The following METTL24 variants were observed in gnomAD, a reference collection of about 807,000 sequenced individuals.
METTL24 encodes the protein methyltransferase like 24.
A neutral mutation model predicts 32.7 loss-of-function variants in METTL24; 29 were observed. The observed-to-expected ratio is 0.89, with a 90% CI of 0.66 to 1.21. The LOEUF is 1.21. METTL24 is among the 50% of genes most tolerant of loss of function. The probability of loss-of-function intolerance (pLI) is 0.00; values close to 1 mark genes in which losing one functional copy is unlikely to be tolerated. For synonymous variants in METTL24, 163 were observed against 179.5 expected (o/e 0.91, Z 0.73); for missense variants, 439 against 468.1 (o/e 0.94, Z 0.57).
intron 1 of METTL24, among the ~76,000 whole-genome samples, chr6:110,352,772 T>C (rs1447905605): frequency 1.3e-5 from 2 of 152,124 alleles, no homozygotes; most frequent in South Asian, 2.1e-4. Flanking sequence ...GAACAAAGCA[T>C]GCCAAACTCC....
chr6:110,291,112 T>G, intron 4 of METTL24, among the ~76,000 whole-genome samples: 1 of 152,180 alleles, frequency 6.6e-6, no homozygotes, highest in South Asian at 2.1e-4. Context: ...AGTCCTTTTC[T>G]GATATATTTG....
chr6:110,350,572 T>C (rs1036916723), intron 1 of METTL24, among the ~76,000 whole-genome samples: 1 of 152,018 alleles, frequency 6.6e-6, no homozygotes, highest in Non-Finnish European at 1.5e-5. Context: ...TAAGTTTCGT[T>C]TGAGAACCCT....
At chr6:110,267,839 G>A (rs192462758) in intron 4 of METTL24, among the ~76,000 whole-genome samples, 40 of 152,302 alleles carry the variant, frequency 2.6e-4, no homozygotes, top group African/African-American at 8.4e-4. Context: ...AATGGGAACA[G>A]GCATGTCAAA....
rs1205885442 is a variant in METTL24 at position 110,311,456 on chromosome 6, TTTTC to T, written c.557+3882_557+3885del. Reference sequence around the variant, plus strand: ...ACAAAGTTGATTTTCTTTTCTTTTCTTTTCTTTCTTTGTTTTTTTTTTTTTTTTT... The same window carrying T: ...ACAAAGTTGATTTTCTTTTCTTTTCTTTTCTTTGTTTTTTTTTTTTTTTTT... On this transcript the variant is annotated intron_variant, in intron 3 of 4. Transcript: ENST00000338882. 1.9e-3 allele frequency among the ~76,000 whole-genome samples: 280 copies of T among 150,316 alleles called. 4 individuals carry two copies. Among genetic ancestry groups the T allele is most frequent in the Admixed American group, 0.017 (250 of 14,866 alleles).
intron 1 of METTL24, among the ~76,000 whole-genome samples, chr6:110,357,078 C>T (rs1187810448): frequency 6.6e-6 from 1 of 152,060 alleles, no homozygotes; most frequent in African/African-American, 2.4e-5. Context: ...AGCCGGGCAA[C>T]GGAAAGTAGT....
At chr6:110,252,275 G>T (rs1410359953) in intron 4 of METTL24, among the ~76,000 whole-genome samples, 1 of 152,210 alleles carries the variant, frequency 6.6e-6, no homozygotes, top group African/African-American at 2.4e-5. Flanking sequence ...ACCTTTGGAG[G>T]CTAGAAACCC....
intron 1 of METTL24, among the ~76,000 whole-genome samples, chr6:110,352,966 T>C (rs1772637364): frequency 6.6e-6 from 1 of 152,108 alleles, no homozygotes; most frequent in South Asian, 2.1e-4. Flanking sequence ...TGGGACAAAT[T>C]ACACACAAAA....
At chr6:110,344,159 T>C (rs899629194) in intron 1 of METTL24, among the ~76,000 whole-genome samples, 6 of 152,212 alleles carry the variant, frequency 3.9e-5, no homozygotes, top group Admixed American at 1.3e-4. Context: ...ATTTACCCCT[T>C]CAATGTTCAC....
At chr6:110,348,171 T>G (rs537542160) in intron 1 of METTL24, among the ~76,000 whole-genome samples, 1 of 152,364 alleles carries the variant, frequency 6.6e-6, no homozygotes, top group South Asian at 2.1e-4. Flanking sequence ...TGCTTTCACC[T>G]TCCTGCTCTC....
At chr6:110,289,490 T>A (rs1033013489) in intron 4 of METTL24, among the ~76,000 whole-genome samples, 3 of 152,036 alleles carry the variant, frequency 2.0e-5, no homozygotes, top group Non-Finnish European at 4.4e-5. Context: ...GTCTTTTTTT[T>A]TTGTAAAAAT....
chr6:110,253,845 C>A, intron 4 of METTL24: 1 of 1,392,130 alleles, frequency 7.2e-7, no homozygotes. Flanking sequence ...AATATATTTC[C>A]ATGTCAATAA....
intron 3 of METTL24, among the ~76,000 whole-genome samples, chr6:110,303,576 C>T (rs1453009053): frequency 1.3e-5 from 2 of 152,186 alleles, no homozygotes; most frequent in East Asian, 1.9e-4. Context: ...GAGCCCACCA[C>T]GGCGCCTCAA....
intron 4 of METTL24, among the ~76,000 whole-genome samples, chr6:110,295,023 T>C (rs961871202): frequency 2.3e-5 from 3 of 128,552 alleles, no homozygotes; most frequent in African/African-American, 3.4e-5. Flanking sequence ...CTTTTTTTTT[T>C]TTTTTTTTTT....
At chr6:110,314,928 C>T (rs747288339) in intron 3 of METTL24, among the ~76,000 whole-genome samples, 18 of 151,734 alleles carry the variant, frequency 1.2e-4, no homozygotes, top group Non-Finnish European at 2.5e-4. Flanking sequence ...CATGCCACTG[C>T]ACTGCAGCCT....
rs955067591 is a variant in METTL24, at chr6:110,243,987, C to T, written c.*1959G>A. Reference sequence around the variant, plus strand: ...AAATAGAATTTTAGAAAATTATGCACGTGTTTAATCCTGTAAATAGTAATG... The same window carrying T: ...AAATAGAATTTTAGAAAATTATGCATGTGTTTAATCCTGTAAATAGTAATG... On this transcript the variant is annotated 3_prime_UTR_variant, in exon 5 of 5. Transcript: ENST00000338882. 4.6e-5 allele frequency among the ~76,000 whole-genome samples: 7 copies of T among 152,180 alleles called. No individual in the cohort carries two copies. The highest frequency in any genetic ancestry group is 1.9e-4 in the East Asian group (1 of 5,184).
At chr6:110,345,631 A>G (rs961221871) in intron 1 of METTL24, among the ~76,000 whole-genome samples, 1 of 152,354 alleles carries the variant, frequency 6.6e-6, no homozygotes, top group Middle Eastern at 3.4e-3. Flanking sequence ...TTGCAGGAAC[A>G]TGAAGGGAGC....
chr6:110,327,073 A>G (rs1317934433), intron 1 of METTL24, among the ~76,000 whole-genome samples: 1 of 152,214 alleles, frequency 6.6e-6, no homozygotes, highest in Non-Finnish European at 1.5e-5. Context: ...AATAAATGCC[A>G]TAACGGTTAT....
intron 2 of METTL24, 29 bp from the exon 3 acceptor site, chr6:110,315,510 A>G: frequency 6.2e-7 from 1 of 1,611,506 alleles, no homozygotes; most frequent in South Asian, 1.1e-5. Flanking sequence ...AATGTGAATA[A>G]TTTGAAATGT....
intron 4 of METTL24, among the ~76,000 whole-genome samples, chr6:110,250,504 G>A (rs1294677815): frequency 6.6e-6 from 1 of 151,900 alleles, no homozygotes; most frequent in Admixed American, 6.6e-5. Context: ...GAGGTATGAA[G>A]GTTTAGAATT....
Sources: allele counts gnomAD v4.1 joint callset (sites outside exome capture counted in the v4.1 genomes callset), GRCh38; gene constraint gnomAD v4.1.1; transcripts MANE v1.5; gene names NCBI Gene and HGNC (gene_info 2026-07-23, HGNC 2026-07-21).